Variants in KIAA0825 observed in about 807,000 individuals in gnomAD.
The protein encoded by KIAA0825 is KIAA0825.
In KIAA0825, 119 loss-of-function variants were observed where a neutral mutation model predicts 147.6. The observed-to-expected ratio is 0.81, with a 90% CI of 0.69 to 0.94. KIAA0825 has a LOEUF of 0.94. Among genes scored for constraint, KIAA0825 ranks in the 40% least tolerant of loss-of-function variants. KIAA0825 has a pLI of 0.00. For synonymous variants in KIAA0825, 470 were observed against 518.1 expected (o/e 0.91, Z 1.26); for missense variants, 1,381 against 1,472.7 (o/e 0.94, Z 1.02).
At chr5:94,565,935 C>G (rs993157314) in intron 2 of KIAA0825, among the ~76,000 whole-genome samples, 1 of 152,142 alleles carries the variant, frequency 6.6e-6, no homozygotes, top group African/African-American at 2.4e-5. Flanking sequence ...TCCATTCTCC[C>G]CATTCCCCAG....
intron 20 of KIAA0825, among the ~76,000 whole-genome samples, chr5:94,336,718 G>C (rs1781841830): frequency 1.3e-5 from 2 of 152,062 alleles, no homozygotes; most frequent in South Asian, 4.2e-4. Context: ...GCCGCAGTAA[G>C]CATACGTGTT....
chr5:94,413,733 T>A (rs1167275515), intron 15 of KIAA0825: 1 of 152,200 alleles, frequency 6.6e-6, no homozygotes, highest in African/African-American at 2.4e-5. Flanking sequence ...GATTTATACA[T>A]TGGTCAAACT....
chr5:94,218,783 A>T (rs1244602146), intron 20 of KIAA0825, among the ~76,000 whole-genome samples: 1 of 152,010 alleles, frequency 6.6e-6, no homozygotes, highest in Admixed American at 6.6e-5. Context: ...CTAACATCCT[A>T]CTTATCTGCT....
At chr5:94,540,630 T>C (rs1239375534) in intron 2 of KIAA0825, among the ~76,000 whole-genome samples, 1 of 152,226 alleles carries the variant, frequency 6.6e-6, no homozygotes, top group Non-Finnish European at 1.5e-5. Context: ...AAATCAAATA[T>C]TTTGTCAGAA....
At chr5:94,557,781 T>C (rs1365202857) in intron 2 of KIAA0825, among the ~76,000 whole-genome samples, 2 of 152,184 alleles carry the variant, frequency 1.3e-5, no homozygotes, top group Middle Eastern at 3.2e-3. Flanking sequence ...ATGGCTACCC[T>C]CTTTGGGTCC....
intron 12 of KIAA0825, among the ~76,000 whole-genome samples, chr5:94,457,875 G>C (rs954253738): frequency 2.0e-5 from 3 of 152,150 alleles, no homozygotes; most frequent in African/African-American, 7.2e-5. Context: ...GGTAGCCCAA[G>C]GATGTAAGCT....
chr5:94,269,786 T>A (rs1355510749), intron 20 of KIAA0825, among the ~76,000 whole-genome samples: 1 of 151,698 alleles, frequency 6.6e-6, no homozygotes, highest in East Asian at 1.9e-4. Context: ...AAACCCCAAA[T>A]TAGTAGAAGA....
chr5:94,285,887 T>A (rs898820181), intron 20 of KIAA0825, among the ~76,000 whole-genome samples: 4 of 152,126 alleles, frequency 2.6e-5, no homozygotes, highest in African/African-American at 9.7e-5. Context: ...AACCAGAAGC[T>A]AGAGTCGAGG....
intron 20 of KIAA0825, among the ~76,000 whole-genome samples, chr5:94,278,201 G>GCAAACCA (rs576248751): frequency 2.5e-4 from 38 of 152,058 alleles, no homozygotes; most frequent in Non-Finnish European, 5.3e-4. Context: ...GATAGGTGCA[G>GCAAACCA]CAAACCACCA....
At chr5:94,303,729 G>A (rs538101317) in intron 20 of KIAA0825, among the ~76,000 whole-genome samples, 9 of 152,026 alleles carry the variant, frequency 5.9e-5, no homozygotes, top group South Asian at 2.1e-4. Context: ...ATTAGTAAAC[G>A]CATTAAGTGG....
chr5:94,422,831 T>C (rs988048096), intron 14 of KIAA0825, among the ~76,000 whole-genome samples: 3 of 152,194 alleles, frequency 2.0e-5, no homozygotes, highest in African/African-American at 7.2e-5. Context: ...TCAATAATTT[T>C]ACCTAAGACG....
intron 20 of KIAA0825, among the ~76,000 whole-genome samples, chr5:94,171,471 A>G (rs541538826): frequency 6.2e-4 from 95 of 152,216 alleles, no homozygotes; most frequent in African/African-American, 2.2e-3. Context: ...TTTGATATCA[A>G]CTTGAATGTA....
At chr5:94,514,145 A>G (rs1443082915) in intron 5 of KIAA0825, among the ~76,000 whole-genome samples, 1 of 152,174 alleles carries the variant, frequency 6.6e-6, no homozygotes, top group Non-Finnish European at 1.5e-5. Flanking sequence ...ATTAATAGTG[A>G]AAAGGATCTC....
chr5:94,522,211 G>C (rs1316656256), intron 4 of KIAA0825, among the ~76,000 whole-genome samples: 1 of 151,620 alleles, frequency 6.6e-6, no homozygotes, highest in Non-Finnish European at 1.5e-5. Flanking sequence ...ACCAAGAAAT[G>C]ATCCCTGGCT....
chr5:94,601,892 C>T (rs12522312), intron 1 of KIAA0825, among the ~76,000 whole-genome samples: 38,756 of 151,918 alleles, frequency 0.26, 5,378 homozygotes, highest in African/African-American at 0.31. Context: ...TATGGGGTTA[C>T]GTAAAAAGAT....
intron 20 of KIAA0825, among the ~76,000 whole-genome samples, chr5:94,329,038 C>T (rs1176096964): frequency 1.3e-5 from 2 of 151,774 alleles, no homozygotes; most frequent in African/African-American, 4.8e-5. Flanking sequence ...TGAGACCACA[C>T]CAAGAATTGT....
intron 1 of KIAA0825, among the ~76,000 whole-genome samples, chr5:94,602,910 C>T (rs1480953702): frequency 6.6e-6 from 1 of 151,322 alleles, no homozygotes; most frequent in Non-Finnish European, 1.5e-5. Flanking sequence ...CTCACTGCAA[C>T]CTCTGCCACC....
chr5:94,564,457 AGTGTGT>A (rs372092487), intron 2 of KIAA0825, among the ~76,000 whole-genome samples: 1 of 14,984 alleles, frequency 6.7e-5, no homozygotes, highest in South Asian at 1.7e-3. Context: ...CTTATTTTTG[AGTGTGT>A]GTGTGTGTGT....
intron 1 of KIAA0825, among the ~76,000 whole-genome samples, chr5:94,603,864 TAAG>T (rs1786983609): frequency 1.3e-5 from 2 of 152,238 alleles, no homozygotes; most frequent in African/African-American, 4.8e-5. Context: ...TTCGATTCAA[TAAG>T]AAGAGCTAAA....
Sources: allele counts gnomAD v4.1 joint callset (sites outside exome capture counted in the v4.1 genomes callset), GRCh38; gene constraint gnomAD v4.1.1; transcripts MANE v1.5; gene names NCBI Gene and HGNC (gene_info 2026-07-23, HGNC 2026-07-21).